KDM4C: variants seen among roughly 807,000 people sequenced by gnomAD.
The protein encoded by KDM4C is lysine-specific demethylase 4C.
KDM4C carries 81 observed loss-of-function variants against 129.3 expected under a neutral mutation model. The ratio of observed to expected loss-of-function variants is 0.63; its 90% CI spans 0.52 to 0.75. The LOEUF is 0.75. KDM4C is among the 30% of genes least tolerant of loss of function. The pLI, the probability that KDM4C is intolerant of heterozygous loss-of-function variation, is 0.00. For synonymous variants in KDM4C, 573 were observed against 456.1 expected, an observed-to-expected ratio of 1.26 and a Z score of -3.26; for missense variants, 1,457 against 1,304.0, an observed-to-expected ratio of 1.12 and a Z score of -1.81.
At chr9:6,906,026 G>A (rs1055938130) in intron 8 of KDM4C, among the ~76,000 whole-genome samples, 4 of 152,078 alleles carry the variant, frequency 2.6e-5, no homozygotes, top group African/African-American at 4.8e-5. Context: ...AGTAAGTGAC[G>A]CATAGCTACT....
At chr9:7,102,339 G>A (rs1325993146) in intron 17 of KDM4C, among the ~76,000 whole-genome samples, 1 of 113,516 alleles carries the variant, frequency 8.8e-6, no homozygotes, top group Non-Finnish European at 1.8e-5. Flanking sequence ...TTTTTGGAGT[G>A]ACTTGGAGAT....
chr9:6,786,789 G>C (rs1356822352), intron 1 of KDM4C, among the ~76,000 whole-genome samples: 2 of 152,072 alleles, frequency 1.3e-5, no homozygotes, highest in African/African-American at 2.4e-5. Flanking sequence ...CCTTTTAAAT[G>C]TAATGAATGT....
At chr9:7,037,884 T>C (rs1439262477) in intron 15 of KDM4C, among the ~76,000 whole-genome samples, 1 of 152,140 alleles carries the variant, frequency 6.6e-6, no homozygotes, top group Non-Finnish European at 1.5e-5. Context: ...ACTAGCAGTA[T>C]AGCCAGATCT....
intron 4 of KDM4C, among the ~76,000 whole-genome samples, chr9:6,826,915 A>G (rs933217426): frequency 1.3e-5 from 2 of 151,874 alleles, no homozygotes; most frequent in African/African-American, 4.8e-5. Context: ...TTTTATTGGC[A>G]GGATGGTTTT....
chr9:6,875,764 T>C (rs1160428630), intron 5 of KDM4C, among the ~76,000 whole-genome samples: 1 of 152,230 alleles, frequency 6.6e-6, no homozygotes, highest in Non-Finnish European at 1.5e-5. Context: ...AATATCTGTA[T>C]GTATTTCTAC....
chr9:7,095,012 T>A (rs549335312), intron 17 of KDM4C, among the ~76,000 whole-genome samples: 1 of 152,222 alleles, frequency 6.6e-6, no homozygotes, highest in East Asian at 1.9e-4. Context: ...TGATGAGATC[T>A]TTTTATTGTT....
intron 12 of KDM4C, among the ~76,000 whole-genome samples, chr9:6,999,349 T>C (rs1043757118): frequency 2.0e-5 from 3 of 152,144 alleles, no homozygotes; most frequent in Middle Eastern, 3.2e-3. Context: ...TTTTTTAAAG[T>C]ATTAAATATA....
At chr9:6,850,040 C>T (rs1447944654) in intron 5 of KDM4C, among the ~76,000 whole-genome samples, 2 of 152,146 alleles carry the variant, frequency 1.3e-5, no homozygotes, top group African/African-American at 4.8e-5. Flanking sequence ...TAGCTAAATA[C>T]TTTGTGTTAA....
At chr9:7,082,592 C>A (rs967426969) in intron 17 of KDM4C, among the ~76,000 whole-genome samples, 1 of 152,060 alleles carries the variant, frequency 6.6e-6, no homozygotes, top group African/African-American at 2.4e-5. Context: ...GGGCTGCGGG[C>A]AGTCCTTTTC....
At chr9:6,911,890 T>A in intron 8 of KDM4C, among the ~76,000 whole-genome samples, 1 of 151,744 alleles carries the variant, frequency 6.6e-6, no homozygotes. Context: ...CCCATGTCCT[T>A]TGGATCCTGG....
chr9:6,961,634 ATTAT>A (rs1348883789), intron 8 of KDM4C, among the ~76,000 whole-genome samples: 1 of 152,240 alleles, frequency 6.6e-6, no homozygotes, highest in African/African-American at 2.4e-5. Flanking sequence ...TAAATTCAAA[ATTAT>A]TTATCATAGT....
At chr9:7,131,147 T>G (rs1335413931) in intron 19 of KDM4C, among the ~76,000 whole-genome samples, 2 of 152,124 alleles carry the variant, frequency 1.3e-5, no homozygotes, top group African/African-American at 4.8e-5. Flanking sequence ...GTCTGATCTT[T>G]CCTCCTTTTG....
intron 17 of KDM4C, among the ~76,000 whole-genome samples, chr9:7,066,921 T>G (rs932266891): frequency 6.6e-6 from 1 of 152,240 alleles, no homozygotes; most frequent in South Asian, 2.1e-4. Flanking sequence ...ATTTTTTGTA[T>G]AAGAATATGA....
intron 19 of KDM4C, among the ~76,000 whole-genome samples, chr9:7,136,731 C>A (rs1841247476): frequency 6.6e-6 from 1 of 152,138 alleles, no homozygotes; most frequent in Admixed American, 6.5e-5. Flanking sequence ...TATCCTTTAT[C>A]AGATCTTTGA....
At chr9:6,821,923 C>A (rs140718543) in intron 4 of KDM4C, among the ~76,000 whole-genome samples, 231 of 152,308 alleles carry the variant, frequency 1.5e-3, no homozygotes, top group African/African-American at 5.3e-3. Flanking sequence ...GCGTGAGCTG[C>A]TGTGCCCGGC....
At chr9:7,104,299 C>T (rs1357879064) in intron 18 of KDM4C, 1 of 157,820 alleles carries the variant, frequency 6.3e-6, no homozygotes, top group Non-Finnish European at 1.4e-5. Flanking sequence ...TGGTCTTGGG[C>T]TGTTATTTTA....
At chr9:6,788,766 A>G (rs1301681407) in intron 1 of KDM4C, among the ~76,000 whole-genome samples, 1 of 152,172 alleles carries the variant, frequency 6.6e-6, no homozygotes, top group Non-Finnish European at 1.5e-5. Context: ...TGGGACAGGC[A>G]ACTGCTATAA....
At chr9:6,921,585 G>C (rs1821523188) in intron 8 of KDM4C, among the ~76,000 whole-genome samples, 1 of 152,164 alleles carries the variant, frequency 6.6e-6, no homozygotes, top group South Asian at 2.1e-4. Context: ...TCATTGGCCT[G>C]GCTATGCCAG....
intron 8 of KDM4C, among the ~76,000 whole-genome samples, chr9:6,934,653 G>A (rs1387157165): frequency 6.6e-6 from 1 of 151,738 alleles, no homozygotes; most frequent in Admixed American, 6.6e-5. Context: ...TAGTAGAGAT[G>A]GGGTTTCACC....
Sources: gnomAD v4.1 joint callset for allele counts (sites outside exome capture counted in the v4.1 genomes callset) on GRCh38, gnomAD v4.1.1 for gene constraint, MANE v1.5 for transcripts, NCBI Gene and HGNC (gene_info 2026-07-23, HGNC 2026-07-21) for gene names.